Variants in MND1 observed in about 807,000 individuals in gnomAD.
The protein encoded by MND1 is meiotic nuclear division protein 1 homolog.
Under a neutral mutation model 35.1 loss-of-function variants are expected in MND1, and 28 were observed. The ratio of observed to expected loss-of-function variants is 0.80; its 90% CI spans 0.59 to 1.09. The LOEUF (loss-of-function observed/expected upper bound fraction) is 1.09, where lower values mean the gene tolerates loss of function less well. Ranked by LOEUF, MND1 falls within the 50% of genes least tolerant of loss-of-function variation. The pLI is 0.00. For missense variants in MND1, 213 were observed against 239.6 expected, an observed-to-expected ratio of 0.89 and a Z score of 0.73; for synonymous variants, 69 against 70.5, an observed-to-expected ratio of 0.98 and a Z score of 0.11.
At chr4:153,356,765 A>T (rs916280939) in intron 3 of MND1, among the ~76,000 whole-genome samples, 4 of 151,666 alleles carry the variant, frequency 2.6e-5, no homozygotes, top group African/African-American at 9.7e-5. Flanking sequence ...TTTTTCTCAT[A>T]TATTGGCCAT....
At chr4:153,391,930 C>T (rs1729051019) in intron 4 of MND1, among the ~76,000 whole-genome samples, 1 of 151,968 alleles carries the variant, frequency 6.6e-6, no homozygotes, top group South Asian at 2.1e-4. Flanking sequence ...GCAACAGTTC[C>T]TTTATGCGTA....
chr4:153,356,078 G>A (rs1410861762), intron 3 of MND1, among the ~76,000 whole-genome samples: 9 of 152,146 alleles, frequency 5.9e-5, no homozygotes, highest in East Asian at 3.8e-4. Flanking sequence ...AGGCTGAAGC[G>A]GGAGGATCAC....
intron 4 of MND1, among the ~76,000 whole-genome samples, chr4:153,381,001 G>A (rs1728664754): frequency 6.6e-6 from 1 of 151,728 alleles, no homozygotes; most frequent in Admixed American, 6.6e-5. Context: ...CTGGGTTCAC[G>A]CCATTCTCCT....
intron 6 of MND1, among the ~76,000 whole-genome samples, chr4:153,399,564 T>G (rs1046172954): frequency 2.6e-5 from 4 of 152,186 alleles, no homozygotes; most frequent in African/African-American, 9.7e-5. Flanking sequence ...TTTAAGATGT[T>G]GCCATTCCTT....
At chr4:153,414,511 C>A (rs1378442794) in intron 7 of MND1, among the ~76,000 whole-genome samples, 2 of 152,100 alleles carry the variant, frequency 1.3e-5, no homozygotes, top group African/African-American at 4.8e-5. Flanking sequence ...TCTCAAACTC[C>A]TGACCTCATG....
chr4:153,364,241 TTC>T (rs1206948055), intron 4 of MND1, among the ~76,000 whole-genome samples: 1 of 151,512 alleles, frequency 6.6e-6, no homozygotes, highest in Non-Finnish European at 1.5e-5. Context: ...GATTCAACAA[TTC>T]TGTGGTGTGC....
intron 2 of MND1, among the ~76,000 whole-genome samples, chr4:153,352,588 C>T (rs1477606102): frequency 2.6e-5 from 4 of 151,864 alleles, no homozygotes; most frequent in Non-Finnish European, 5.9e-5. Context: ...TAAATGTTAT[C>T]TAGGGCCAGG....
At chr4:153,412,707 C>T (rs760236315) in intron 7 of MND1, among the ~76,000 whole-genome samples, 30 of 150,802 alleles carry the variant, frequency 2.0e-4, no homozygotes, top group Admixed American at 4.0e-4. Context: ...ACTGGTCTCT[C>T]GAACTCCTGA....
intron 4 of MND1, among the ~76,000 whole-genome samples, chr4:153,361,952 GTTGT>G: frequency 6.6e-6 from 1 of 152,102 alleles, no homozygotes; most frequent in South Asian, 2.1e-4. Context: ...TATCGTCTAT[GTTGT>G]TTAAGAACTC....
intron 7 of MND1, among the ~76,000 whole-genome samples, chr4:153,410,293 T>C (rs1296852276): frequency 1.3e-5 from 2 of 152,142 alleles, no homozygotes; most frequent in African/African-American, 4.8e-5. Context: ...GCTTTTTTTT[T>C]TTCCTATCCT....
intron 2 of MND1, among the ~76,000 whole-genome samples, chr4:153,353,403 AC>A (rs1773261882): frequency 1.1e-5 from 1 of 94,914 alleles, no homozygotes; most frequent in Non-Finnish European, 2.0e-5. Flanking sequence ...TGACTTTATC[AC>A]ATATATATAT....
chr4:153,344,776 T>A (rs774396633), intron 1 of MND1, 36 bp downstream of exon 1: 17 of 1,597,318 alleles, frequency 1.1e-5, no homozygotes, highest in Non-Finnish European at 1.4e-5. Context: ...GTCTTCTTCC[T>A]CCCTAGTGTG....
chr4:153,366,530 C>T (rs1383772606), intron 4 of MND1, among the ~76,000 whole-genome samples: 1 of 152,222 alleles, frequency 6.6e-6, no homozygotes, highest in African/African-American at 2.4e-5. Flanking sequence ...ATATATGAAT[C>T]TGTAGTTCAG....
chr4:153,390,189 A>G (rs6818341), intron 4 of MND1, among the ~76,000 whole-genome samples: 33,200 of 152,208 alleles, frequency 0.22, 3,729 homozygotes, highest in South Asian at 0.23. Flanking sequence ...TGTATAGATG[A>G]AAAGCTGATA....
intron 3 of MND1, among the ~76,000 whole-genome samples, chr4:153,356,824 G>A (rs1463701080): frequency 6.6e-6 from 1 of 151,362 alleles, no homozygotes; most frequent in East Asian, 1.9e-4. Flanking sequence ...ATTTATTTGA[G>A]ACAGAGTCTA....
chr4:153,397,071 T>C, intron 5 of MND1, 148 bp from the exon 6 acceptor site: 1 of 498,456 alleles, frequency 2.0e-6, no homozygotes, highest in Non-Finnish European at 3.6e-6. Context: ...ACTGTGAATA[T>C]CTGTGTGTGT....
chr4:153,389,716 T>C (rs1257748129), intron 4 of MND1, among the ~76,000 whole-genome samples: 1 of 152,218 alleles, frequency 6.6e-6, no homozygotes, highest in African/African-American at 2.4e-5. Flanking sequence ...ATGTGGACTT[T>C]TGTATTTCTT....
chr4:153,408,063 G>A (rs1163528259), intron 6 of MND1, among the ~76,000 whole-genome samples: 1 of 152,122 alleles, frequency 6.6e-6, no homozygotes, highest in East Asian at 1.9e-4. Flanking sequence ...GATCACTTGA[G>A]GCCAGGAGTT....
intron 1 of MND1, among the ~76,000 whole-genome samples, chr4:153,346,186 AAT>A (rs1773073479): frequency 6.6e-6 from 1 of 152,226 alleles, no homozygotes; most frequent in Admixed American, 6.5e-5. Flanking sequence ...ATCCTAAGTA[AAT>A]AGTTAATGAG....
Sources: allele counts gnomAD v4.1 joint callset (sites outside exome capture counted in the v4.1 genomes callset), GRCh38; gene constraint gnomAD v4.1.1; transcripts MANE v1.5; gene names NCBI Gene and HGNC (gene_info 2026-07-23, HGNC 2026-07-21).